Variants in FMN2 observed in about 807,000 individuals in gnomAD.
The protein encoded by FMN2 is formin-2.
A neutral mutation model predicts 142.3 loss-of-function variants in FMN2; 51 were observed. The ratio of observed to expected loss-of-function variants is 0.36; its 90% confidence interval spans 0.29 to 0.45. FMN2 has a LOEUF of 0.45. FMN2 is among the 20% of genes least tolerant of loss of function. The probability of loss-of-function intolerance (pLI) is 1.00; values close to 1 mark genes in which losing one functional copy is unlikely to be tolerated. For missense variants in FMN2, 1,936 were observed against 2,122.8 expected, an observed-to-expected ratio of 0.91 and a Z score of 1.73; for synonymous variants, 882 against 869.8, an observed-to-expected ratio of 1.01 and a Z score of -0.25.
At chr1:240,429,702 TA>T (rs1461907356) in intron 15 of FMN2, among the ~76,000 whole-genome samples, 1 of 152,136 alleles carries the variant, frequency 6.6e-6, no homozygotes, top group Non-Finnish European at 1.5e-5. Context: ...TTTTGTCACT[TA>T]TTTTTTTAGA....
rs1321896247 is a variant in FMN2, at chr1:240,159,869, A to G, written c.1783-18052A>G. ...CAATCCCTCTTGGAGCATATGAATT[A>G]TTTGCATACATGGAGAGATATATAT... On this transcript the variant is annotated intron_variant, in intron 2 of 17. Transcript: ENST00000319653. Among the ~76,000 whole-genome samples, 9 of 145,570 alleles carry G rather than the reference A, an allele frequency of 6.2e-5. No individual in the cohort carries two copies. The Admixed American group carries it at 6.4e-4, about 10-fold the overall frequency.
chr1:240,106,450 ACTCAT>A (rs1228963401), intron 1 of FMN2, among the ~76,000 whole-genome samples: 2 of 151,984 alleles, frequency 1.3e-5, no homozygotes, highest in Non-Finnish European at 2.9e-5. Context: ...TTCAAACTGA[ACTCAT>A]CTTTTCTCCA....
chr1:240,136,045 T>G lies in FMN2; in HGVS notation c.1782+12700T>G, dbSNP rs138515793. Among the ~76,000 whole-genome samples, 436 of 152,202 alleles carry G rather than the reference T, an allele frequency of 2.9e-3. 3 individuals are homozygous for G. The highest frequency in any genetic ancestry group is 0.01 in the African/African-American group (419 of 41,520). On this transcript the variant is annotated intron_variant, in intron 2 of 17. Transcript: ENST00000319653. ...AGTTACTACTCAGTGAATGTTTGTA[T>G]GACTGGATCTTGTAGTAATCAGTAA...
intron 2 of FMN2, among the ~76,000 whole-genome samples, chr1:240,128,144 A>G (rs1354773756): frequency 6.6e-6 from 1 of 152,198 alleles, no homozygotes; most frequent in Non-Finnish European, 1.5e-5. Flanking sequence ...AATGCTTGCT[A>G]CTTGGCAGAT....
chr1:240,440,397 A>G (rs2103185088), intron 16 of FMN2, among the ~76,000 whole-genome samples: 1 of 152,302 alleles, frequency 6.6e-6, no homozygotes, highest in Middle Eastern at 3.4e-3. Context: ...TGACATTATC[A>G]ATAACAACCC....
chr1:240,197,458 C>T (rs1029363247), intron 4 of FMN2, among the ~76,000 whole-genome samples: 4 of 152,122 alleles, frequency 2.6e-5, no homozygotes, highest in Non-Finnish European at 4.4e-5. Flanking sequence ...GTCAGAAGTT[C>T]CTAGAGGCCT....
At chr1:240,133,055 A>T (rs1662803969) in intron 2 of FMN2, among the ~76,000 whole-genome samples, 1 of 152,220 alleles carries the variant, frequency 6.6e-6, no homozygotes, top group African/African-American at 2.4e-5. Context: ...ACTGCCAAGC[A>T]TTCTAAATGC....
Position 240,250,730 on chromosome 1 carries a change from T to C in FMN2, c.4066-7215T>C, listed in dbSNP as rs1668247946. 2.0e-5 allele frequency among the ~76,000 whole-genome samples: 3 copies of C among 151,980 alleles called. 1 individual carries two copies. In the South Asian group the frequency reaches 6.2e-4, roughly 31 times the overall value. ...CCATCTGGTCCTGGACTTTTCTTTG[T>C]TGGGAGACTTTTTATTACTGATTCA... On this transcript the variant is annotated intron_variant, in intron 6 of 17. Coordinates refer to ENST00000319653, the MANE Select transcript of FMN2 (RefSeq NM_020066.5).
At chr1:240,263,715 A>G (rs75262542) in intron 7 of FMN2, among the ~76,000 whole-genome samples, 3 of 152,304 alleles carry the variant, frequency 2.0e-5, no homozygotes, top group Non-Finnish European at 4.4e-5. Flanking sequence ...TTGAAAATAG[A>G]TTACAGATCT....
At chr1:240,464,856 G>A (rs574239665) in intron 16 of FMN2, among the ~76,000 whole-genome samples, 3 of 152,232 alleles carry the variant, frequency 2.0e-5, no homozygotes, top group South Asian at 2.1e-4. Flanking sequence ...TTTTCTTTGT[G>A]TTAGGAACTA....
intron 7 of FMN2, among the ~76,000 whole-genome samples, chr1:240,260,569 T>C (rs1176667820): frequency 6.6e-6 from 1 of 152,192 alleles, no homozygotes. Flanking sequence ...AATTGTCTAT[T>C]TATATCCTTA....
chr1:240,285,317 C>T (rs1028601393), intron 7 of FMN2: 2 of 454,904 alleles, frequency 4.4e-6, no homozygotes, highest in Admixed American at 4.7e-5. Flanking sequence ...GAACACCAAG[C>T]AGATGGAGGC....
intron 7 of FMN2, among the ~76,000 whole-genome samples, chr1:240,278,761 C>T (rs1328771761): frequency 6.6e-6 from 1 of 152,016 alleles, no homozygotes; most frequent in Non-Finnish European, 1.5e-5. Flanking sequence ...ATGAAAATAC[C>T]AGAGTATCTT....
chr1:240,224,162 C>G (rs1160840222), intron 6 of FMN2, among the ~76,000 whole-genome samples: 1 of 152,102 alleles, frequency 6.6e-6, no homozygotes, highest in Non-Finnish European at 1.5e-5. Flanking sequence ...TAGCTGTGTC[C>G]CAGAGATTCT....
At chr1:240,395,354 T>C (rs1343982537) in intron 15 of FMN2, among the ~76,000 whole-genome samples, 1 of 152,220 alleles carries the variant, frequency 6.6e-6, no homozygotes, top group East Asian at 1.9e-4. Context: ...ATTCATTTTG[T>C]AGCTCATGGA....
At chr1:240,434,204 C>T (rs1200695096) in intron 15 of FMN2, among the ~76,000 whole-genome samples, 1 of 152,114 alleles carries the variant, frequency 6.6e-6, no homozygotes, top group East Asian at 1.9e-4. Flanking sequence ...CTTCATGTGC[C>T]AGGGTCATTT....
At chr1:240,109,979 A>G (rs1661748949) in intron 1 of FMN2, among the ~76,000 whole-genome samples, 1 of 152,060 alleles carries the variant, frequency 6.6e-6, no homozygotes, top group South Asian at 2.1e-4. Flanking sequence ...GTTATATCTT[A>G]TCTTTGCTCC....
At chr1:240,226,134 TG>T (rs1156501574) in intron 6 of FMN2, among the ~76,000 whole-genome samples, 10 of 152,160 alleles carry the variant, frequency 6.6e-5, no homozygotes, top group Non-Finnish European at 1.5e-5. Context: ...AATAATTGAA[TG>T]TATGTGGCTG....
At position 240,183,475 on chromosome 1, in the gene FMN2, ATATT is replaced by A. The variant is rs1280979867; in HGVS notation, c.1931-4731_1931-4728del. 4.1e-5 allele frequency among the ~76,000 whole-genome samples: 6 copies of A among 148,124 alleles called. 1 individual carries two copies. The highest frequency in any genetic ancestry group is 2.1e-4 in the South Asian group (1 of 4,774). ...AATATAATATATATAAATTGAATAT[ATATT>A]ATATATTGAATTAGATAATATATTG... On this transcript the variant is annotated intron_variant, in intron 3 of 17. Transcript: ENST00000319653.
Sources: gnomAD v4.1 joint callset for allele counts (sites outside exome capture counted in the v4.1 genomes callset) on GRCh38, gnomAD v4.1.1 for gene constraint, MANE v1.5 for transcripts, NCBI Gene and HGNC (gene_info 2026-07-23, HGNC 2026-07-21) for gene names.